The following ZMAT3 variants were observed in gnomAD, a reference collection of about 807,000 sequenced individuals.
ZMAT3 encodes the protein zinc finger matrin-type 3, also known as zinc finger matrin-type protein 3.
Under a neutral mutation model 32.3 loss-of-function variants are expected in ZMAT3, and 17 were observed. That is an observed-to-expected ratio of 0.53 (90% confidence interval 0.36 to 0.79). The LOEUF (loss-of-function observed/expected upper bound fraction) is 0.79, where lower values mean the gene tolerates loss of function less well. ZMAT3 is among the 30% of genes least tolerant of loss of function. The pLI is 0.00. For synonymous variants in ZMAT3, 120 were observed against 133.1 expected, an observed-to-expected ratio of 0.90 and a Z score of 0.68; for missense variants, 329 against 359.7, an observed-to-expected ratio of 0.91 and a Z score of 0.69.
In ZMAT3 at chr3:179,023,606, T is replaced by C. The variant is rs1718663977; in HGVS notation, c.*1411A>G. On this transcript the variant is annotated 3_prime_UTR_variant, in exon 6 of 6. Coordinates refer to ENST00000311417, the MANE Select transcript of ZMAT3 (RefSeq NM_022470.4). ...CAATCTGAACTTATGGTTTAGATCA[T>C]GATATAAGCGCATGTTACTATCAAT... 1.4e-5 allele frequency: 2 copies of C among 141,776 alleles called. No homozygotes were observed. The highest frequency in any genetic ancestry group is 7.2e-5 in the Admixed American group (1 of 13,812). The allele number at this position is 141,776 out of a possible 1,614,324, so 8.8% of individuals were successfully genotyped here.
intron 4 of ZMAT3, 22 bp downstream of exon 4, chr3:179,027,624 C>T (rs1718944347): frequency 6.2e-7 from 1 of 1,613,984 alleles, no homozygotes; most frequent in Non-Finnish European, 8.5e-7. Flanking sequence ...ACTTTGGCCT[C>T]AGAGAAAATG....
chr3:179,026,364 T>A (rs902974212), intron 5 of ZMAT3, among the ~76,000 whole-genome samples: 11 of 149,372 alleles, frequency 7.4e-5, no homozygotes, highest in Admixed American at 6.0e-4. Flanking sequence ...CTTTTCTTAA[T>A]CATAATGAAT....
At chr3:179,025,291 A>G in intron 5 of ZMAT3, 63 bp from the exon 6 acceptor site, 1 of 1,281,622 alleles carries the variant, frequency 7.8e-7, no homozygotes, top group East Asian at 2.6e-5. Flanking sequence ...AACCTGACCA[A>G]TTATCACTGT....
chr3:179,058,461 GA>G (rs564092172), intron 2 of ZMAT3, among the ~76,000 whole-genome samples: 582 of 152,152 alleles, frequency 3.8e-3, no homozygotes, highest in Non-Finnish European at 7.0e-3. Flanking sequence ...TTCCTTTGTA[GA>G]AAAAGGACTT....
chr3:179,049,979 A>C lies in ZMAT3; in HGVS notation c.270+17504T>G, dbSNP rs181500939. ...TGCACTCTAGTCTGGGTGACAGAGC[A>C]AGACTCCGTCTCAAAAAAAAAAAAA... is the stretch of plus-strand genomic sequence containing the variant. On this transcript the variant is annotated intron_variant, in intron 2 of 5. Coordinates refer to ENST00000311417, the MANE Select transcript of ZMAT3 (RefSeq NM_022470.4). Among the ~76,000 whole-genome samples, 247 of 132,678 alleles carry C rather than the reference A, an allele frequency of 1.9e-3. 4 individuals are homozygous for C. In the Admixed American group the frequency reaches 0.019, roughly 10 times the overall value. The allele number at this position is 132,678 out of a possible 152,430, so 87.0% of individuals were successfully genotyped here.
At position 179,024,880 on chromosome 3, in the gene ZMAT3, C is replaced by T. The variant is rs1010863428; in HGVS notation, c.*137G>A. 8.6e-6 allele frequency: 6 copies of T among 693,686 alleles called. No individual in the cohort carries two copies. Among genetic ancestry groups the T allele is most frequent in the Non-Finnish European group, 1.4e-5 (6 of 428,504 alleles). 43.0% of individuals were successfully genotyped at this position (693,686 alleles called of 1,614,324 possible). On this transcript the variant is annotated 3_prime_UTR_variant, in exon 6 of 6. Coordinates refer to ENST00000311417, the MANE Select transcript of ZMAT3 (RefSeq NM_022470.4). ...CCCGGGCCCCCAGGTTTTGACATCT[C>T]ATGGTACCACTGTGGGTTACATGTA...
intron 3 of ZMAT3, among the ~76,000 whole-genome samples, chr3:179,028,738 C>A (rs372460329): frequency 6.6e-6 from 1 of 152,212 alleles, no homozygotes. Flanking sequence ...TTATATATCT[C>A]ATTTTCCCCA....
intron 2 of ZMAT3, 127 bp downstream of exon 2, chr3:179,067,356 T>C: frequency 2.0e-6 from 2 of 991,744 alleles, no homozygotes; most frequent in Non-Finnish European, 3.0e-6. Flanking sequence ...AACAAATTCA[T>C]AGTTAGTTGT....
rs546325520 is a variant in ZMAT3 at position 179,046,399 on chromosome 3, TAGCAGCTCCCACTCAGATGGACAG to T, written c.271-15424_271-15401del. 7.9e-4 allele frequency among the ~76,000 whole-genome samples: 121 copies of T among 152,324 alleles called. 1 individual carries two copies. Among genetic ancestry groups the T allele is most frequent in the Middle Eastern group, 3.4e-3 (1 of 294 alleles). ...ATAGCAGACAGGAGGCAGGACTAAC[TAGCAGCTCCCACTCAGATGGACAG>T]AGCAGTGTGTGGAGACCCATATCAT... On this transcript the variant is annotated intron_variant, in intron 2 of 5. Transcript: ENST00000311417. This position sits in a 1 kb window ranked among gnomAD's most constrained non-coding sequence, Gnocchi z 4.3.
chr3:179,034,600 G>A (rs555887587), intron 2 of ZMAT3, among the ~76,000 whole-genome samples: 1 of 152,176 alleles, frequency 6.6e-6, no homozygotes, highest in Admixed American at 6.5e-5. Context: ...CTCCATCTTT[G>A]ACCTTCAGAA....
chr3:179,067,930 G>T, intron 1 of ZMAT3, 121 bp from the exon 2 acceptor site: 1 of 963,550 alleles, frequency 1.0e-6, no homozygotes, highest in Non-Finnish European at 1.5e-6. Context: ...CCATCTTTGG[G>T]ACTTCTTTCC....
At chr3:179,069,167 G>T (rs972582210) in intron 1 of ZMAT3, among the ~76,000 whole-genome samples, 6 of 152,126 alleles carry the variant, frequency 3.9e-5, no homozygotes, top group Admixed American at 2.0e-4. Context: ...ATGTCCAATG[G>T]AGTAATGGAT....
intron 2 of ZMAT3, among the ~76,000 whole-genome samples, chr3:179,045,020 A>G (rs1464497815): frequency 6.6e-5 from 10 of 152,000 alleles, no homozygotes; most frequent in Non-Finnish European, 1.2e-4. Flanking sequence ...CCCAGAACTT[A>G]AAGTATAATA....
rs1292725171 is a variant in ZMAT3 at position 179,046,312 on chromosome 3, T to C, written c.271-15313A>G. ...ATCCCCAGTAGTATTCAAGCAGATA[T>C]TGCATCCACAACATAATGATACTAA... On this transcript the variant is annotated intron_variant, in intron 2 of 5. Transcript: ENST00000311417. This position sits in a 1 kb window ranked among gnomAD's most constrained non-coding sequence, Gnocchi z 4.3. Among the ~76,000 whole-genome samples, 1 of 152,144 alleles carries C rather than the reference T, an allele frequency of 6.6e-6. No homozygotes were observed. The highest frequency in any genetic ancestry group is 1.5e-5 in the Non-Finnish European group (1 of 68,028).
chr3:179,037,361 A>G (rs1227891338), intron 2 of ZMAT3, among the ~76,000 whole-genome samples: 1 of 152,168 alleles, frequency 6.6e-6, no homozygotes, highest in Non-Finnish European at 1.5e-5. Context: ...GCCATTACTG[A>G]CATCTCTGAG....
chr3:179,038,044 AGTGGG>A (rs1018091483), intron 2 of ZMAT3, among the ~76,000 whole-genome samples: 1 of 152,168 alleles, frequency 6.6e-6, no homozygotes, highest in Non-Finnish European at 1.5e-5. Flanking sequence ...ACAGGGAGAG[AGTGGG>A]GTGGGCCGAC....
In ZMAT3 at chr3:179,018,547, C is replaced by T. The variant is rs1718387267; in HGVS notation, c.*6470G>A. On this transcript the variant is annotated 3_prime_UTR_variant, in exon 6 of 6. Coordinates refer to ENST00000311417, the MANE Select transcript of ZMAT3 (RefSeq NM_022470.4). ...GAAGCCATGAATTTTATCAAACACA[C>T]ACAAGAATATGAATCTGGAACATTT... The T allele has an allele frequency of 6.6e-6, 1 of 152,026 alleles. No individual in the cohort carries two copies. The highest frequency in any genetic ancestry group is 2.1e-4 in the South Asian group (1 of 4,818). 9.4% of individuals were successfully genotyped at this position (152,026 alleles called of 1,614,324 possible).
intron 2 of ZMAT3, among the ~76,000 whole-genome samples, chr3:179,037,153 G>T (rs147278683): frequency 6.6e-6 from 1 of 152,018 alleles, no homozygotes; most frequent in East Asian, 1.9e-4. Flanking sequence ...CCTCTTGGTC[G>T]CAGGAGAAGA....
rs866252489 is a variant in ZMAT3, at chr3:179,017,469, C to T, written c.*7548G>A. The T allele has an allele frequency of 7.2e-5, 11 of 152,318 alleles. No homozygotes were observed. The Middle Eastern group carries it at 0.014, about 188-fold the overall frequency. 9.4% of individuals were successfully genotyped at this position (152,318 alleles called of 1,614,324 possible). The stretch of plus-strand genomic sequence containing the variant: ...GTTGATTGGTTTTAATCCCATGACA[C>T]GTTTGTCATTCTGCAGCCCCAGAAC... On this transcript the variant is annotated 3_prime_UTR_variant, in exon 6 of 6. Transcript: ENST00000311417.
Sources: allele counts gnomAD v4.1 joint callset (sites outside exome capture counted in the v4.1 genomes callset), GRCh38; gene constraint gnomAD v4.1.1; non-coding constraint Gnocchi (gnomAD v3.1); transcripts MANE v1.5; gene names NCBI Gene and HGNC (gene_info 2026-07-23, HGNC 2026-07-21).